Variants in PRKAR2A observed in about 807,000 individuals in gnomAD.
The protein encoded by PRKAR2A is cAMP-dependent protein kinase type II-alpha regulatory subunit.
In PRKAR2A, 29 loss-of-function variants were observed where a neutral mutation model predicts 51.9. The observed-to-expected ratio is 0.56, with a 90% CI of 0.42 to 0.76. PRKAR2A has a LOEUF of 0.76. Ranked by LOEUF, PRKAR2A falls within the 30% of genes least tolerant of loss-of-function variation. The probability of loss-of-function intolerance (pLI) is 0.00; values close to 1 mark genes in which losing one functional copy is unlikely to be tolerated. For synonymous variants in PRKAR2A, 178 were observed against 186.2 expected (o/e 0.96, Z 0.36); for missense variants, 445 against 512.1 (o/e 0.87, Z 1.26).
chr3:48,809,732 T>G (rs2082741930), intron 1 of PRKAR2A, among the ~76,000 whole-genome samples: 1 of 151,832 alleles, frequency 6.6e-6, no homozygotes, highest in Non-Finnish European at 1.5e-5. Context: ...AATATGGATC[T>G]CATTCAATCT....
chr3:48,838,745 G>A (rs1339080788), intron 1 of PRKAR2A, among the ~76,000 whole-genome samples: 2 of 152,090 alleles, frequency 1.3e-5, no homozygotes, highest in African/African-American at 4.8e-5. Flanking sequence ...TTGGGAGGCC[G>A]AGGCAGGCGG....
intron 6 of PRKAR2A, among the ~76,000 whole-genome samples, 158 bp downstream of exon 6, chr3:48,772,797 C>T (rs1275504470): frequency 1.3e-5 from 2 of 152,174 alleles, no homozygotes; most frequent in African/African-American, 4.8e-5. Context: ...CCCACCACCA[C>T]ACCTGGCTAT....
intron 9 of PRKAR2A, among the ~76,000 whole-genome samples, chr3:48,755,946 T>A (rs1201749035): frequency 6.6e-6 from 1 of 151,714 alleles, no homozygotes; most frequent in Non-Finnish European, 1.5e-5. Flanking sequence ...GCCTGGCTAA[T>A]TTTTTTTGTA....
chr3:48,781,436 G>C (rs1227225814), intron 5 of PRKAR2A, among the ~76,000 whole-genome samples: 1 of 151,436 alleles, frequency 6.6e-6, no homozygotes, highest in African/African-American at 2.4e-5. Flanking sequence ...CCACCTCCCA[G>C]GTTCAAGCAA....
chr3:48,823,071 CTT>C (rs1281759433), intron 1 of PRKAR2A, among the ~76,000 whole-genome samples: 2 of 145,346 alleles, frequency 1.4e-5, no homozygotes, highest in Non-Finnish European at 1.5e-5. Context: ...TTTTAAGTGA[CTT>C]TTTTTTTTTT....
At chr3:48,793,721 G>A (rs953263282) in intron 3 of PRKAR2A, among the ~76,000 whole-genome samples, 1 of 151,830 alleles carries the variant, frequency 6.6e-6, no homozygotes, top group Non-Finnish European at 1.5e-5. Flanking sequence ...TGAACTCCTG[G>A]CCTCAAGCAA....
chr3:48,756,853 T>C (rs146612307), intron 8 of PRKAR2A, among the ~76,000 whole-genome samples: 3 of 152,190 alleles, frequency 2.0e-5, no homozygotes, highest in Non-Finnish European at 4.4e-5. Context: ...TTTCACAAAC[T>C]TCATGCCCTT....
chr3:48,813,477 G>A (rs1040900118), intron 1 of PRKAR2A, among the ~76,000 whole-genome samples: 3 of 151,980 alleles, frequency 2.0e-5, no homozygotes, highest in Non-Finnish European at 2.9e-5. Flanking sequence ...GGCGGATCAC[G>A]AGGTCAGGAG....
chr3:48,823,969 G>A (rs1449109252), intron 1 of PRKAR2A, among the ~76,000 whole-genome samples: 2 of 152,116 alleles, frequency 1.3e-5, no homozygotes, highest in Admixed American at 6.6e-5. Context: ...GCTCACGCCT[G>A]TAATCCCAGC....
chr3:48,830,657 T>C (rs2107439375), intron 1 of PRKAR2A, among the ~76,000 whole-genome samples: 1 of 152,312 alleles, frequency 6.6e-6, no homozygotes, highest in South Asian at 2.1e-4. Context: ...TTCAGGATGA[T>C]TCAAGTGCAT....
intron 2 of PRKAR2A, among the ~76,000 whole-genome samples, chr3:48,796,960 A>G (rs564015790): frequency 6.6e-6 from 1 of 151,896 alleles, no homozygotes; most frequent in Non-Finnish European, 1.5e-5. Context: ...GGACCTTTCT[A>G]GTCTTCACTC....
Position 48,822,722 on chromosome 3 carries a change from T to TTG in PRKAR2A, c.263-15040_263-15039dup, listed in dbSNP as rs760923366. Among the ~76,000 whole-genome samples, 18 of 151,058 alleles carry TTG rather than the reference T, an allele frequency of 1.2e-4. No individual in the cohort carries two copies. The East Asian group carries it at 2.5e-3, about 21-fold the overall frequency. ...AATGTGTTCATGATGCCCCAGGATG[T>TTG]TGTTTTTTTTTTTTTTTTTCTTTGA... On this transcript the variant is annotated intron_variant, in intron 1 of 10. Transcript: ENST00000265563.
At chr3:48,781,186 A>G (rs989246257) in intron 5 of PRKAR2A, among the ~76,000 whole-genome samples, 1 of 137,548 alleles carries the variant, frequency 7.3e-6, no homozygotes, top group African/African-American at 2.8e-5. Context: ...GGGTTTCACC[A>G]TGTTGGCCAG....
At position 48,829,588 on chromosome 3, in the gene PRKAR2A, A is replaced by ATATATACACACATAAATGTGTG. The variant is rs1559646218; in HGVS notation, c.262+17746_262+17747insCACACATTTATGTGTGTATATA. Among the ~76,000 whole-genome samples, 25 of 8,838 alleles carry ATATATACACACATAAATGTGTG rather than the reference A, an allele frequency of 2.8e-3. 3 individuals carry two copies. The highest frequency in any genetic ancestry group is 0.013 in the African/African-American group (25 of 1,934). The allele number at this position is 8,838 out of a possible 152,430, so 5.8% of individuals were successfully genotyped here. On this transcript the variant is annotated intron_variant, in intron 1 of 10. Transcript: ENST00000265563. ...TACACACATAAATATATATGTGTGT[A>ATATATACACACATAAATGTGTG]TATATACACACACATAAATGTGTGT...
chr3:48,761,126 C>CA (rs2081857581), intron 8 of PRKAR2A, among the ~76,000 whole-genome samples: 1 of 151,726 alleles, frequency 6.6e-6, no homozygotes, highest in South Asian at 2.1e-4. Flanking sequence ...ACTAAAAACA[C>CA]AAAAAATTAG....
chr3:48,792,287 G>A (rs1272597077), intron 3 of PRKAR2A, among the ~76,000 whole-genome samples: 1 of 150,622 alleles, frequency 6.6e-6, no homozygotes, highest in Non-Finnish European at 1.5e-5. Context: ...GAGTACAGGC[G>A]GGTGCCACCA....
chr3:48,751,293 A>C lies in PRKAR2A; in HGVS notation c.*292T>G. ...ACTTTGGACTTTGTATCAGGCACTT[A>C]AATTGTTGGAGAGACATGCCGTTTT... On this transcript the variant is annotated 3_prime_UTR_variant, in exon 11 of 11. Coordinates refer to ENST00000265563, the MANE Select transcript of PRKAR2A (RefSeq NM_004157.4). 1 of 554,858 alleles carries C rather than the reference A, an allele frequency of 1.8e-6. No homozygotes were observed. The highest frequency in any genetic ancestry group is 1.5e-5 in the South Asian group (1 of 65,422). 34.4% of individuals were successfully genotyped at this position (554,858 alleles called of 1,614,324 possible).
At chr3:48,823,215 A>C (rs2082998804) in intron 1 of PRKAR2A, among the ~76,000 whole-genome samples, 1 of 151,902 alleles carries the variant, frequency 6.6e-6, no homozygotes, top group Non-Finnish European at 1.5e-5. Context: ...CCTTCAAGTG[A>C]CTTTAACTGG....
chr3:48,790,718 G>A (rs1234866712), intron 3 of PRKAR2A, 91 bp from the exon 4 acceptor site: 1 of 729,256 alleles, frequency 1.4e-6, no homozygotes, highest in African/African-American at 1.8e-5. Context: ...CAAAAAGTGG[G>A]AAAAATAAAG....
Sources: allele counts gnomAD v4.1 joint callset (sites outside exome capture counted in the v4.1 genomes callset), GRCh38; gene constraint gnomAD v4.1.1; transcripts MANE v1.5; gene names NCBI Gene and HGNC (gene_info 2026-07-23, HGNC 2026-07-21).